The following RSPO3 variants were observed in gnomAD, a reference collection of about 807,000 sequenced individuals.
RSPO3 encodes R-spondin 3, also known as R-spondin-3.
In RSPO3, 17 loss-of-function variants were observed where a neutral mutation model predicts 36.5. That is an observed-to-expected ratio of 0.47 (90% confidence interval 0.32 to 0.70). The LOEUF is 0.70. Ranked by LOEUF, RSPO3 falls within the 30% of genes least tolerant of loss-of-function variation. The probability of loss-of-function intolerance (pLI) is 0.04; values close to 1 mark genes in which losing one functional copy is unlikely to be tolerated. For missense variants in RSPO3, 294 were observed against 322.5 expected, an observed-to-expected ratio of 0.91 and a Z score of 0.68; for synonymous variants, 108 against 107.0, an observed-to-expected ratio of 1.01 and a Z score of -0.06.
intron 1 of RSPO3, among the ~76,000 whole-genome samples, chr6:127,138,697 C>T (rs1396482888): frequency 6.6e-6 from 1 of 152,042 alleles, no homozygotes; most frequent in Non-Finnish European, 1.5e-5. Context: ...AACCTAGGCT[C>T]AAAAAAGTTA....
chr6:127,184,524 G>C lies in RSPO3; in HGVS notation c.635-11299G>C, dbSNP rs993943619. Among the ~76,000 whole-genome samples the C allele has an allele frequency of 2.6e-5, 4 of 152,060 alleles. 1 individual carries two copies. In the South Asian group the frequency reaches 8.3e-4, roughly 31 times the overall value. ...GATAACGTTAATGTTGGGAGGGAAA[G>C]TCTATGCATAGGAGGTTGACTATCC... On this transcript the variant is annotated intron_variant, in intron 4 of 4. Transcript: ENST00000356698.
At chr6:127,191,286 A>C (rs943434744) in intron 4 of RSPO3, among the ~76,000 whole-genome samples, 4 of 152,144 alleles carry the variant, frequency 2.6e-5, no homozygotes, top group Non-Finnish European at 4.4e-5. Flanking sequence ...ATTTGAAGAA[A>C]TTGGGTCTTC....
chr6:127,159,644 C>CTT (rs869033594), intron 4 of RSPO3, among the ~76,000 whole-genome samples: 3,697 of 123,188 alleles, frequency 0.03, 97 homozygotes, highest in Non-Finnish European at 0.036. Context: ...ATACATTCTC[C>CTT]TTTTTTTTTT....
At position 127,136,024 on chromosome 6, in the gene RSPO3, T is replaced by C. The variant is rs188241371; in HGVS notation, c.98-12624T>C. Among the ~76,000 whole-genome samples the C allele has an allele frequency of 3.3e-3, 501 of 151,898 alleles. 1 individual carries two copies. Among genetic ancestry groups the C allele is most frequent in the Non-Finnish European group, 4.8e-3 (326 of 67,978 alleles). ...TTATATATGCAGCATAAACCACTCATGTTACTGAAGAAGATAAAGAGAGAC... is the reference window on the plus strand; with the variant it reads ...TTATATATGCAGCATAAACCACTCACGTTACTGAAGAAGATAAAGAGAGAC... On this transcript the variant is annotated intron_variant, in intron 1 of 4. Transcript: ENST00000356698.
chr6:127,195,169 C>A (rs1009291732), intron 4 of RSPO3, among the ~76,000 whole-genome samples: 4 of 151,960 alleles, frequency 2.6e-5, no homozygotes, highest in South Asian at 2.1e-4. Context: ...AGATAAAAAT[C>A]TCTCCTTTTT....
At chr6:127,178,502 T>G (rs1775101623) in intron 4 of RSPO3, among the ~76,000 whole-genome samples, 1 of 151,732 alleles carries the variant, frequency 6.6e-6, no homozygotes, top group African/African-American at 2.4e-5. Context: ...GAATATCAAT[T>G]TCTGTGAATT....
intron 4 of RSPO3, among the ~76,000 whole-genome samples, chr6:127,180,786 CTAAT>C (rs2114631875): frequency 6.6e-6 from 1 of 151,816 alleles, no homozygotes; most frequent in Non-Finnish European, 1.5e-5. Context: ...ATTATTGTTA[CTAAT>C]TATTTTTATT....
intron 1 of RSPO3, among the ~76,000 whole-genome samples, chr6:127,137,372 CAGAG>C (rs1021682471): frequency 6.6e-6 from 1 of 152,094 alleles, no homozygotes; most frequent in Non-Finnish European, 1.5e-5. Context: ...ACCTGGGTGA[CAGAG>C]AGAGACTCCA....
intron 4 of RSPO3, among the ~76,000 whole-genome samples, chr6:127,173,085 G>A (rs960080228): frequency 1.3e-5 from 2 of 151,556 alleles, no homozygotes; most frequent in African/African-American, 4.8e-5. Context: ...TCACACATGA[G>A]GCTTAGCATC....
intron 4 of RSPO3, among the ~76,000 whole-genome samples, chr6:127,186,604 G>C (rs1393542076): frequency 6.6e-6 from 1 of 151,942 alleles, no homozygotes; most frequent in Non-Finnish European, 1.5e-5. Flanking sequence ...AAAATTTACT[G>C]GGAAAAAATT....
chr6:127,137,856 T>C (rs1469016449), intron 1 of RSPO3, among the ~76,000 whole-genome samples: 1 of 152,208 alleles, frequency 6.6e-6, no homozygotes, highest in Non-Finnish European at 1.5e-5. Context: ...TATACATTTA[T>C]GGGTTTTAGA....
chr6:127,190,884 A>G (rs1334627370), intron 4 of RSPO3, among the ~76,000 whole-genome samples: 1 of 152,208 alleles, frequency 6.6e-6, no homozygotes, highest in Non-Finnish European at 1.5e-5. Flanking sequence ...GTGGTTCTCA[A>G]TAAGTGAATT....
chr6:127,186,373 T>C (rs1156508456), intron 4 of RSPO3, among the ~76,000 whole-genome samples: 1 of 152,144 alleles, frequency 6.6e-6, no homozygotes, highest in Non-Finnish European at 1.5e-5. Flanking sequence ...ACTTTCACTA[T>C]GCTCAGTCAT....
intron 1 of RSPO3, among the ~76,000 whole-genome samples, chr6:127,121,506 T>G (rs1484871587): frequency 6.6e-6 from 1 of 152,198 alleles, no homozygotes; most frequent in African/African-American, 2.4e-5. Context: ...CCCACAGCGA[T>G]GCTCTTGCTC....
At chr6:127,169,070 TTGCTGGGTC>T (rs1414466883) in intron 4 of RSPO3, among the ~76,000 whole-genome samples, 1 of 151,930 alleles carries the variant, frequency 6.6e-6, no homozygotes, top group Non-Finnish European at 1.5e-5. Context: ...AGTAATGGGA[TTGCTGGGTC>T]AAATGGTATT....
At chr6:127,173,722 T>C (rs923564773) in intron 4 of RSPO3, among the ~76,000 whole-genome samples, 1 of 151,832 alleles carries the variant, frequency 6.6e-6, no homozygotes, top group Non-Finnish European at 1.5e-5. Flanking sequence ...GAACACAACG[T>C]GCATGTGCGA....
intron 4 of RSPO3, among the ~76,000 whole-genome samples, chr6:127,173,935 C>T (rs756218971): frequency 4.0e-5 from 6 of 151,880 alleles, no homozygotes; most frequent in Non-Finnish European, 7.4e-5. Context: ...ATAAGAGTTT[C>T]ATTCTAACAT....
At chr6:127,172,302 T>C (rs1216730046) in intron 4 of RSPO3, among the ~76,000 whole-genome samples, 1 of 151,210 alleles carries the variant, frequency 6.6e-6, no homozygotes, top group Middle Eastern at 3.2e-3. Context: ...TTAATACATA[T>C]GGTTTTTATA....
intron 4 of RSPO3, among the ~76,000 whole-genome samples, chr6:127,190,177 A>G (rs376496123): frequency 3.9e-5 from 6 of 152,190 alleles, no homozygotes; most frequent in East Asian, 3.9e-4. Context: ...TAATCCCAGC[A>G]CTTTGGGAGG....
Sources: gnomAD v4.1 joint callset for allele counts (sites outside exome capture counted in the v4.1 genomes callset) on GRCh38, gnomAD v4.1.1 for gene constraint, MANE v1.5 for transcripts, NCBI Gene and HGNC (gene_info 2026-07-23, HGNC 2026-07-21) for gene names.